Variants in NCKAP1L observed in about 807,000 individuals in gnomAD.
NCKAP1L encodes NCK associated protein 1 like.
In NCKAP1L, 53 loss-of-function variants were observed where a neutral mutation model predicts 139.2. That is an observed-to-expected ratio of 0.38 (90% CI 0.31 to 0.48). The LOEUF (loss-of-function observed/expected upper bound fraction) is 0.48, where lower values mean the gene tolerates loss of function less well. Ranked by LOEUF, NCKAP1L falls within the 20% of genes least tolerant of loss-of-function variation. NCKAP1L has a pLI of 0.98. For synonymous variants in NCKAP1L, 468 were observed against 499.7 expected, an observed-to-expected ratio of 0.94 and a Z score of 0.85; for missense variants, 1,151 against 1,381.9, an observed-to-expected ratio of 0.83 and a Z score of 2.65.
rs1372590846 is a variant in NCKAP1L, at chr12:54,544,309, G to T, written c.*1624G>T. 1 of 152,266 alleles carries T rather than the reference G, an allele frequency of 6.6e-6. No homozygotes were observed. Among genetic ancestry groups the T allele is most frequent in the East Asian group, 1.9e-4 (1 of 5,174 alleles). 9.4% of individuals were successfully genotyped at this position (152,266 alleles called of 1,614,324 possible). A position where few individuals can be genotyped will look rare whatever the true frequency, so the allele number is the denominator to read the frequency against. ...TCTATATGTTTATATTTTTCTGCTT[G>T]AGGGGATAGAGATCCCTCCTCCATC... On this transcript the variant is annotated 3_prime_UTR_variant, in exon 31 of 31. Coordinates refer to ENST00000293373, the MANE Select transcript of NCKAP1L (RefSeq NM_005337.5).
intron 18 of NCKAP1L, among the ~76,000 whole-genome samples, chr12:54,522,189 TA>T (rs1956989221): frequency 6.6e-6 from 1 of 152,154 alleles, no homozygotes; most frequent in African/African-American, 2.4e-5. Context: ...AAAGGGAGTA[TA>T]AATACATGTT....
chr12:54,528,218 A>C (rs757594933), intron 21 of NCKAP1L, 29 bp from the exon 22 acceptor site: 6 of 1,611,162 alleles, frequency 3.7e-6, no homozygotes, highest in Non-Finnish European at 5.1e-6. Flanking sequence ...ATTGGATCCT[A>C]ATCTATGTTT....
chr12:54,536,121 C>G lies in NCKAP1L; in HGVS notation c.2957-8C>G. The G allele has an allele frequency of 1.3e-6, 2 of 1,598,884 alleles. No individual in the cohort carries two copies. Among genetic ancestry groups the G allele is most frequent in the Non-Finnish European group, 1.7e-6 (2 of 1,166,712 alleles). ...ACTTTTCCTCTTTTCCTTTTTCCCT[C>G]TCACCAGATACTTCATCTCCTGAGG... On this transcript the variant is annotated splice_region_variant and splice_polypyrimidine_tract_variant and intron_variant, in intron 27 of 30. Transcript: ENST00000293373.
At chr12:54,521,020 T>C (rs919239137) in intron 17 of NCKAP1L, 99 bp from the exon 18 acceptor site, 1 of 1,570,762 alleles carries the variant, frequency 6.4e-7, no homozygotes, top group African/African-American at 1.4e-5. Context: ...TGGGTAGGAA[T>C]CTTCTGTAAG....
At chr12:54,505,842 A>G (rs1956835590) in intron 3 of NCKAP1L, among the ~76,000 whole-genome samples, 1 of 152,012 alleles carries the variant, frequency 6.6e-6, no homozygotes, top group Non-Finnish European at 1.5e-5. Flanking sequence ...TTGTATTTTT[A>G]GTAGAGACGG....
intron 7 of NCKAP1L, 117 bp from the exon 8 acceptor site, chr12:54,511,686 C>T (rs911874528): frequency 6.6e-6 from 7 of 1,062,832 alleles, no homozygotes; most frequent in East Asian, 2.5e-5. Flanking sequence ...GGATTAAAGG[C>T]GTTAGCCACC....
At position 54,518,507 on chromosome 12, in the gene NCKAP1L, C is replaced by T. The variant is rs978450186; in HGVS notation, c.1339-144C>T. 3.7e-5 allele frequency: 27 copies of T among 735,072 alleles called. No homozygotes were observed. The Admixed American group carries it at 4.8e-4, about 13-fold the overall frequency. The allele number at this position is 735,072 out of a possible 1,614,324, so 45.5% of individuals were successfully genotyped here. ...AATGGCAGGGAACCCGGAAAGTTTC[C>T]TTCATCTCTTGCTTGGCTTTTTCTC... On this transcript the variant is annotated intron_variant, in intron 13 of 30. Transcript: ENST00000293373.
At position 54,532,169 on chromosome 12, in the gene NCKAP1L, G is replaced by A; in HGVS notation, c.2782-1G>A. 6.2e-7 allele frequency: 1 copy of A among 1,611,300 alleles called. No individual in the cohort carries two copies. The highest frequency in any genetic ancestry group is 8.5e-7 in the Non-Finnish European group (1 of 1,178,540). ...ACTCATTTATCTTCTCTTTCCTCCA[G>A]GTTTTCTCCTCCCACTGCCCATTTC... On this transcript the variant is annotated splice_acceptor_variant, in intron 25 of 30. Coordinates refer to ENST00000293373, the MANE Select transcript of NCKAP1L (RefSeq NM_005337.5). LOFTEE classifies it high-confidence loss of function.
chr12:54,516,138 C>A (rs1054031159), intron 9 of NCKAP1L, 101 bp from the exon 10 acceptor site: 1 of 1,214,252 alleles, frequency 8.2e-7, no homozygotes. Context: ...TGCCCATGCT[C>A]CCACCAGGGT....
intron 2 of NCKAP1L, among the ~76,000 whole-genome samples, chr12:54,500,091 G>A (rs1956784738): frequency 6.6e-6 from 1 of 150,698 alleles, no homozygotes; most frequent in South Asian, 2.1e-4. Flanking sequence ...TCCTCTGTCA[G>A]TATATTTCAA....
rs1393748873 is a variant in NCKAP1L at position 54,517,896 on chromosome 12, C to T, written c.1296C>T (p.Tyr432=). 4 of 1,614,136 alleles carry T rather than the reference C, an allele frequency of 2.5e-6. No homozygotes were observed. In the Admixed American group the frequency reaches 6.7e-5, roughly 27 times the overall value. ...TGATACAGCAATACCACCTTCAGTA[C>T]TTGGCAAGATTTGATGCTCTTGTGC... ...IKVIQQYHLQ[Y]LARFDALVLS... Residue 432 remains tyrosine, a synonymous_variant, in exon 13 of 31, where the codon TAC becomes TAT. Coordinates refer to ENST00000293373, the MANE Select transcript of NCKAP1L (RefSeq NM_005337.5).
At position 54,526,245 on chromosome 12, in the gene NCKAP1L, C is replaced by G. The variant is rs577190978; in HGVS notation, c.2157-283C>G. Among the ~76,000 whole-genome samples, 28 of 152,290 alleles carry G rather than the reference C, an allele frequency of 1.8e-4. No homozygotes were observed. In the East Asian group the frequency reaches 5.4e-3, roughly 29 times the overall value. On this transcript the variant is annotated intron_variant, in intron 20 of 30. Coordinates refer to ENST00000293373, the MANE Select transcript of NCKAP1L (RefSeq NM_005337.5). ...TTTCTCCAGAGGAGGAAGAAAAGCA[C>G]AGTAATTAGGGATCAAATGTTACTG...
At chr12:54,498,434 T>TGTGTGTG (rs71070823) in intron 1 of NCKAP1L, among the ~76,000 whole-genome samples, 5 of 149,548 alleles carry the variant, frequency 3.3e-5, no homozygotes, top group African/African-American at 5.0e-5. Context: ...TGTGTGTGTG[T>TGTGTGTG]TTAGAATAGG....
rs1257645249 is a variant in NCKAP1L at position 54,521,304 on chromosome 12, A to G, written c.1878+66A>G. 17 of 1,585,992 alleles carry G rather than the reference A, an allele frequency of 1.1e-5. No individual in the cohort carries two copies. The East Asian group carries it at 3.8e-4, about 36-fold the overall frequency. On this transcript the variant is annotated intron_variant, in intron 18 of 30. Transcript: ENST00000293373. ...CGCTCAGTGCCTTCCCCTCTATCTA[A>G]CTTTGTTTCCCTCTCAGATGCCAAG... is the stretch of plus-strand genomic sequence containing the variant.
Position 54,512,084 on chromosome 12 carries a change from A to G in NCKAP1L, c.920A>G (p.Asp307Gly). ...DVLQVHKVTEDLFSSLKGYGK... is the reference protein window; with the variant it reads ...DVLQVHKVTEGLFSSLKGYGK... ...CTGCAGGTGCACAAAGTCACCGAGG[A>G]CCTGTTTAGCAGTTTGAAAGGGTGA... The change falls in exon 9 of 31, where the codon GAC (aspartate) becomes GGC (glycine). Residue 307 changes from aspartate (D) to glycine (G), a missense_variant. Transcript: ENST00000293373. 3.7e-6 allele frequency: 6 copies of G among 1,614,092 alleles called. No homozygotes were observed. Among genetic ancestry groups the G allele is most frequent in the Non-Finnish European group, 5.1e-6 (6 of 1,179,990 alleles).
chr12:54,510,280 G>T, intron 7 of NCKAP1L: 1 of 488,674 alleles, frequency 2.0e-6, no homozygotes, highest in South Asian at 2.0e-5. Context: ...GAGTCATTAG[G>T]CACCTATTAA....
At position 54,512,057 on chromosome 12, in the gene NCKAP1L, T is replaced by G; in HGVS notation, c.893T>G (p.Val298Gly). ...SLYITLIRED[V>G]LQVHKVTEDL... ...TACATCACCCTTATCCGTGAGGATG[T>G]GCTGCAGGTGCACAAAGTCACCGAG... The change falls in exon 9 of 31, where the codon GTG becomes GGG. Residue 298 changes from valine (V) to glycine (G), a missense_variant. Coordinates refer to ENST00000293373, the MANE Select transcript of NCKAP1L (RefSeq NM_005337.5). 1 of 1,614,182 alleles carries G rather than the reference T, an allele frequency of 6.2e-7. No homozygotes were observed. The highest frequency in any genetic ancestry group is 8.5e-7 in the Non-Finnish European group (1 of 1,180,014).
rs1957206227 is a variant in NCKAP1L at position 54,547,491 on chromosome 12, T to TGTGTGTGC, written c.*4813_*4814insCGTGTGTG. The TGTGTGTGC allele has an allele frequency of 1.6e-5, 2 of 124,830 alleles. No individual in the cohort carries two copies. Among genetic ancestry groups the TGTGTGTGC allele is most frequent in the South Asian group, 6.3e-4 (2 of 3,196 alleles). 7.7% of individuals were successfully genotyped at this position (124,830 alleles called of 1,614,324 possible). ...CTAATGTCTCTTTCACGAATAACTT[T>TGTGTGTGC]GTGTGTGTGTGCGTGTGTGTGTGTG... is the stretch of plus-strand genomic sequence containing the variant. On this transcript the variant is annotated 3_prime_UTR_variant, in exon 31 of 31. Transcript: ENST00000293373.
In NCKAP1L at chr12:54,542,783, G is replaced by C; in HGVS notation, c.*98G>C. On this transcript the variant is annotated 3_prime_UTR_variant, in exon 31 of 31. Transcript: ENST00000293373. ...TTTCGCAGGGGGTGGGAATGGGGTG[G>C]GGTCACTAAGGAGAGAGGGTCAGGA... The C allele has an allele frequency of 1.4e-6, 1 of 734,632 alleles. No homozygotes were observed. The highest frequency in any genetic ancestry group is 2.4e-6 in the Non-Finnish European group (1 of 416,014). 45.5% of individuals were successfully genotyped at this position (734,632 alleles called of 1,614,324 possible).
Sources: allele counts gnomAD v4.1 joint callset (sites outside exome capture counted in the v4.1 genomes callset), GRCh38; gene constraint gnomAD v4.1.1; transcripts MANE v1.5; gene names NCBI Gene and HGNC (gene_info 2026-07-23, HGNC 2026-07-21).